The following PARN variants were observed in gnomAD, a reference collection of about 807,000 sequenced individuals.
PARN encodes the protein poly(A)-specific ribonuclease PARN.
A neutral mutation model predicts 102.8 loss-of-function variants in PARN; 71 were observed. The observed-to-expected ratio is 0.69, with a 90% confidence interval of 0.57 to 0.84. The LOEUF is 0.84. PARN is among the 40% of genes least tolerant of loss of function. PARN has a pLI of 0.00. For synonymous variants in PARN, 261 were observed against 252.9 expected (o/e 1.03, Z -0.30); for missense variants, 782 against 760.9 (o/e 1.03, Z -0.33).
intron 23 of PARN, among the ~76,000 whole-genome samples, chr16:14,438,728 G>C (rs1230174461): frequency 6.6e-6 from 1 of 152,116 alleles, no homozygotes; most frequent in Non-Finnish European, 1.5e-5. Context: ...ATCCAACATG[G>C]AACATGGCTG....
At chr16:14,570,424 G>A (rs1294703217) in intron 18 of PARN, among the ~76,000 whole-genome samples, 9 of 149,948 alleles carry the variant, frequency 6.0e-5, no homozygotes, top group Non-Finnish European at 8.9e-5. Flanking sequence ...AGACCGAGGC[G>A]GCGGATCATG....
chr16:14,553,942 G>A, intron 20 of PARN, 123 bp downstream of exon 20: 1 of 657,932 alleles, frequency 1.5e-6, no homozygotes, highest in Non-Finnish European at 2.6e-6. Flanking sequence ...TTCAAAGAGT[G>A]AAATTAAAAC....
intron 23 of PARN, among the ~76,000 whole-genome samples, chr16:14,446,066 C>G (rs1285107256): frequency 6.6e-6 from 1 of 152,262 alleles, no homozygotes; most frequent in Non-Finnish European, 1.5e-5. Context: ...TGATTACTGT[C>G]ACTGTGACTG....
intron 21 of PARN, among the ~76,000 whole-genome samples, chr16:14,484,628 A>T (rs1963559918): frequency 6.6e-6 from 1 of 152,198 alleles, no homozygotes; most frequent in South Asian, 2.1e-4. Context: ...GCACTGGACA[A>T]GGGACTCCAG....
intron 18 of PARN, among the ~76,000 whole-genome samples, 188 bp downstream of exon 18, chr16:14,580,686 A>G (rs900819365): frequency 1.3e-5 from 2 of 151,488 alleles, no homozygotes; most frequent in African/African-American, 2.4e-5. Context: ...TTTTAAGCCT[A>G]TATTTTTAAT....
chr16:14,565,924 T>C lies in PARN; in HGVS notation c.1263-10215A>G, dbSNP rs1461222764. Among the ~76,000 whole-genome samples the C allele has an allele frequency of 2.6e-5, 4 of 152,378 alleles. No homozygotes were observed. In the South Asian group the frequency reaches 8.3e-4, roughly 32 times the overall value. On this transcript the variant is annotated intron_variant, in intron 18 of 23. Coordinates refer to ENST00000437198, the MANE Select transcript of PARN (RefSeq NM_002582.4). ...TGCATAGTGGAAGGTGTTCAATCGA[T>C]AAGCTATTTGATAGGTAGCCCAAAT...
At chr16:14,600,373 T>A (rs1970800765) in intron 11 of PARN, among the ~76,000 whole-genome samples, 1 of 152,210 alleles carries the variant, frequency 6.6e-6, no homozygotes, top group South Asian at 2.1e-4. Context: ...AGTATTTTCA[T>A]AATTCCTGAT....
At chr16:14,479,832 C>T (rs1178365908) in intron 22 of PARN, among the ~76,000 whole-genome samples, 2 of 151,152 alleles carry the variant, frequency 1.3e-5, no homozygotes, top group East Asian at 3.9e-4. Flanking sequence ...AAAAATAAAC[C>T]CTGATTTCCA....
intron 21 of PARN, among the ~76,000 whole-genome samples, chr16:14,505,466 A>C (rs1270230509): frequency 6.6e-6 from 1 of 151,912 alleles, no homozygotes; most frequent in Non-Finnish European, 1.5e-5. Flanking sequence ...ACAAAGCAAG[A>C]TCTCGTCTCT....
chr16:14,474,744 C>T (rs553164861), intron 22 of PARN, among the ~76,000 whole-genome samples: 1 of 152,326 alleles, frequency 6.6e-6, no homozygotes, highest in East Asian at 1.9e-4. Flanking sequence ...CCTGATAAGT[C>T]AGTTCTCTGT....
intron 21 of PARN, among the ~76,000 whole-genome samples, chr16:14,535,086 G>A (rs1207582195): frequency 6.6e-5 from 10 of 152,076 alleles, no homozygotes; most frequent in Admixed American, 5.9e-4. Context: ...CGCTCGCCTC[G>A]GCCTCCCAAA....
At chr16:14,557,048 A>C (rs891568654) in intron 18 of PARN, among the ~76,000 whole-genome samples, 28 of 152,222 alleles carry the variant, frequency 1.8e-4, no homozygotes, top group African/African-American at 6.5e-4. Context: ...CTGTCATGCC[A>C]TTCAATTTTC....
chr16:14,488,599 G>C (rs553186780), intron 21 of PARN, among the ~76,000 whole-genome samples: 152 of 152,328 alleles, frequency 1.0e-3, no homozygotes, highest in African/African-American at 3.4e-3. Context: ...AGGGAGGTGT[G>C]TGAGGCCAGT....
intron 2 of PARN, among the ~76,000 whole-genome samples, chr16:14,629,001 C>G (rs984246226): frequency 1.6e-4 from 25 of 152,218 alleles, no homozygotes. Context: ...AGAAATATCT[C>G]ATTTATCTGC....
At chr16:14,551,032 G>T (rs1967267448) in intron 21 of PARN, among the ~76,000 whole-genome samples, 1 of 151,402 alleles carries the variant, frequency 6.6e-6, no homozygotes, top group Non-Finnish European at 1.5e-5. Context: ...TGCGGATGTT[G>T]GCTCACTGCA....
intron 2 of PARN, among the ~76,000 whole-genome samples, 159 bp from the exon 3 acceptor site, chr16:14,628,410 C>T (rs1441190798): frequency 6.6e-6 from 1 of 152,144 alleles, no homozygotes; most frequent in Non-Finnish European, 1.5e-5. Context: ...ATTTCAGTGG[C>T]CACCAGGTTA....
At chr16:14,509,645 T>C (rs1252747227) in intron 21 of PARN, among the ~76,000 whole-genome samples, 1 of 152,144 alleles carries the variant, frequency 6.6e-6, no homozygotes, top group Admixed American at 6.5e-5. Context: ...ACTCTAACAG[T>C]TGGTCAAATC....
intron 21 of PARN, among the ~76,000 whole-genome samples, chr16:14,545,852 A>AT (rs1197641665): frequency 1.3e-5 from 2 of 152,224 alleles, no homozygotes; most frequent in Non-Finnish European, 2.9e-5. Flanking sequence ...CCAGGCTTAA[A>AT]TTTTTTAAAA....
intron 13 of PARN, among the ~76,000 whole-genome samples, chr16:14,590,315 T>C (rs1484636567): frequency 1.6e-5 from 1 of 63,840 alleles, no homozygotes; most frequent in African/African-American, 6.2e-5. Flanking sequence ...TGACATAAAA[T>C]AAACATTAGC....
Sources: allele counts gnomAD v4.1 joint callset (sites outside exome capture counted in the v4.1 genomes callset), GRCh38; gene constraint gnomAD v4.1.1; transcripts MANE v1.5; gene names NCBI Gene and HGNC (gene_info 2026-07-23, HGNC 2026-07-21).